TMC6: variants seen among roughly 807,000 people sequenced by gnomAD.
TMC6 encodes the protein transmembrane channel-like protein 6.
A neutral mutation model predicts 95.4 loss-of-function variants in TMC6; 71 were observed. The observed-to-expected ratio is 0.74, with a 90% CI of 0.61 to 0.91. TMC6 has a LOEUF of 0.91. TMC6 is among the 40% of genes least tolerant of loss of function. The probability of loss-of-function intolerance (pLI) is 0.00; values close to 1 mark genes in which losing one functional copy is unlikely to be tolerated. For synonymous variants in TMC6, 514 were observed against 483.1 expected (o/e 1.06, Z -0.84); for missense variants, 1,074 against 1,079.1 (o/e 1.00, Z 0.07).
intron 9 of TMC6, among the ~76,000 whole-genome samples, chr17:78,123,356 T>C (rs1246100706): frequency 6.6e-6 from 1 of 152,080 alleles, no homozygotes; most frequent in Non-Finnish European, 1.5e-5. Context: ...GGTGGATGGA[T>C]GGATGAATAA....
intron 18 of TMC6, among the ~76,000 whole-genome samples, chr17:78,116,370 C>T (rs2074114938): frequency 6.6e-6 from 1 of 150,826 alleles, no homozygotes; most frequent in African/African-American, 2.4e-5. Flanking sequence ...TCAACCTGGG[C>T]TCAAGCAATC....
upstream of TMC6, among the ~76,000 whole-genome samples, chr17:78,129,116 GCCC>G (rs759690776): frequency 5.6e-4 from 65 of 115,632 alleles, no homozygotes; most frequent in African/African-American, 2.1e-3. The surrounding 1 kb of genome is among the most constrained non-coding windows in gnomAD (Gnocchi z 4.3). Context: ...ATTGGGCAGC[GCCC>G]CCCCCCCCGC....
In TMC6 at chr17:78,117,350, G is replaced by T. The variant is rs1422193013; in HGVS notation, c.2199-3C>A. Reference sequence around the variant, plus strand: ...GGATGTTGAGGTAGATCACGGCCCTGCGGGAGAGGGGCTGTCGGGCAGGGC... The same window carrying T: ...GGATGTTGAGGTAGATCACGGCCCTTCGGGAGAGGGGCTGTCGGGCAGGGC... On this transcript the variant is annotated splice_polypyrimidine_tract_variant and splice_region_variant and intron_variant, in intron 17 of 19. Transcript: ENST00000590602. The T allele has an allele frequency of 1.9e-6, 3 of 1,613,172 alleles. No homozygotes were observed. Among genetic ancestry groups the T allele is most frequent in the African/African-American group, 1.3e-5 (1 of 74,918 alleles).
chr17:78,113,734 G>A (rs912280346), intron 18 of TMC6, 110 bp from the exon 19 acceptor site: 24 of 1,112,666 alleles, frequency 2.2e-5, no homozygotes, highest in Middle Eastern at 2.0e-4. Context: ...ATTCAACATC[G>A]CAAGCAGCAA....
At chr17:78,117,700 C>T (rs947171821) in intron 16 of TMC6, 56 bp from the exon 17 acceptor site, 30 of 1,555,590 alleles carry the variant, frequency 1.9e-5, no homozygotes, top group Admixed American at 9.7e-5. Context: ...ACCCGGCTCC[C>T]TCCCAGCCCG....
rs139970011 is a variant in TMC6 at position 78,110,854 on chromosome 17, A to G, written c.*2294T>C. ...CATGCCCCAGGGCACCCAGGGACACACTGAAGCCCAGGCCTCCAGCACGCA... is the reference window on the plus strand; with the variant it reads ...CATGCCCCAGGGCACCCAGGGACACGCTGAAGCCCAGGCCTCCAGCACGCA... On this transcript the variant is annotated 3_prime_UTR_variant, in exon 20 of 20. Coordinates refer to ENST00000590602, the MANE Select transcript of TMC6 (RefSeq NM_001127198.5). 9.6e-3 allele frequency: 1,464 copies of G among 152,378 alleles called. 15 individuals carry two copies. The highest frequency in any genetic ancestry group is 0.038 in the South Asian group (183 of 4,822). The allele number at this position is 152,378 out of a possible 1,614,324, so 9.4% of individuals were successfully genotyped here.
chr17:78,122,763 G>C lies in TMC6; in HGVS notation c.1083-14C>G. On this transcript the variant is annotated splice_polypyrimidine_tract_variant and intron_variant, in intron 9 of 19. Coordinates refer to ENST00000590602, the MANE Select transcript of TMC6 (RefSeq NM_001127198.5). This position sits in a 1 kb window ranked among gnomAD's most constrained non-coding sequence, Gnocchi z 4.9. ...GAGTGAGCCATGCTGGGGAGAAGCA[G>C]ACACAGACATGGCAACCAACAAGCT... 4 of 1,607,398 alleles carry C rather than the reference G, an allele frequency of 2.5e-6. No individual in the cohort carries two copies. The highest frequency in any genetic ancestry group is 3.4e-6 in the Non-Finnish European group (4 of 1,178,090).
In TMC6 at chr17:78,122,822, G is replaced by C; in HGVS notation, c.1083-73C>G. On this transcript the variant is annotated intron_variant, in intron 9 of 19. Coordinates refer to ENST00000590602, the MANE Select transcript of TMC6 (RefSeq NM_001127198.5). This position sits in a 1 kb window ranked among gnomAD's most constrained non-coding sequence, Gnocchi z 4.9. The stretch of plus-strand genomic sequence containing the variant: ...GAGGCCAAGGGGAGAAGGCAGACCG[G>C]ATGCTCTGGGCAGCCAGACCCCACC... 6 of 1,557,460 alleles carry C rather than the reference G, an allele frequency of 3.9e-6. No homozygotes were observed. Among genetic ancestry groups the C allele is most frequent in the Non-Finnish European group, 5.2e-6 (6 of 1,158,128 alleles).
rs187156281 is a variant in TMC6 at position 78,114,921 on chromosome 17, A to G, written c.2278-1297T>C. Among the ~76,000 whole-genome samples the G allele has an allele frequency of 3.0e-3, 456 of 152,236 alleles. 1 individual carries two copies. The highest frequency in any genetic ancestry group is 4.9e-3 in the Non-Finnish European group (331 of 68,000). On this transcript the variant is annotated intron_variant, in intron 18 of 19. Transcript: ENST00000590602. ...TTCCCATCCCAGAGCAACGGTGGGT[A>G]GAGCTGGGATTCTCCCAGCACCACT...
upstream of TMC6, chr17:78,132,222 T>A: frequency 7.2e-7 from 1 of 1,382,456 alleles, no homozygotes; most frequent in Non-Finnish European, 1.0e-6. Flanking sequence ...CAGGTGACTG[T>A]CAGCGGTACC....
At chr17:78,132,362 T>G, upstream of TMC6, 1 of 1,612,804 alleles carries the variant, frequency 6.2e-7, no homozygotes, top group Non-Finnish European at 8.5e-7. Flanking sequence ...ACTGCAGGCC[T>G]CTTCGGCACA....
chr17:78,124,470 C>G (rs552751583), intron 8 of TMC6, 54 bp downstream of exon 8: 1 of 1,597,834 alleles, frequency 6.3e-7, no homozygotes, highest in Admixed American at 1.7e-5. Context: ...GAACACGGTA[C>G]CAGGGTAGCA....
Position 78,124,427 on chromosome 17 carries a change from G to A in TMC6, c.891+97C>T, listed in dbSNP as rs1206728151. The A allele has an allele frequency of 1.9e-6, 3 of 1,572,962 alleles. 1 individual carries two copies. The highest frequency in any genetic ancestry group is 2.3e-5 in the South Asian group (2 of 88,594). On this transcript the variant is annotated intron_variant, in intron 8 of 19. Coordinates refer to ENST00000590602, the MANE Select transcript of TMC6 (RefSeq NM_001127198.5). The stretch of plus-strand genomic sequence containing the variant: ...CACCTGGAGTCACAGCGGGGCAAGG[G>A]TTGGGGGCCCCAGGGGAGCTGGGAC...
At chr17:78,127,934 C>A (rs1217810385) in intron 1 of TMC6, among the ~76,000 whole-genome samples, 1 of 152,158 alleles carries the variant, frequency 6.6e-6, no homozygotes, top group Non-Finnish European at 1.5e-5. Context: ...GAGCTGGGTC[C>A]GAGGCGGCCC....
Position 78,121,208 on chromosome 17 carries a change from T to C in TMC6, c.1384-44A>G. 4 of 1,551,978 alleles carry C rather than the reference T, an allele frequency of 2.6e-6. No homozygotes were observed. The highest frequency in any genetic ancestry group is 2.4e-5 in the East Asian group (1 of 41,228). On this transcript the variant is annotated intron_variant, in intron 11 of 19. Transcript: ENST00000590602. The surrounding 1 kb of genome is among the most constrained non-coding windows in gnomAD (Gnocchi z 5.6). Reference sequence around the variant, plus strand: ...CGGTGTCATGGAAGCCCCCCATCCATGGTGGGAGCGGGCAGCTACAGGGAA... The same window carrying C: ...CGGTGTCATGGAAGCCCCCCATCCACGGTGGGAGCGGGCAGCTACAGGGAA...
upstream of TMC6, chr17:78,132,301 C>G (rs2075025611): frequency 6.3e-7 from 1 of 1,598,506 alleles, no homozygotes; most frequent in Non-Finnish European, 8.5e-7. Flanking sequence ...CTTGGACTCT[C>G]AGCGCGGCCC....
At position 78,126,635 on chromosome 17, in the gene TMC6, G is replaced by A. The variant is rs2074731657; in HGVS notation, c.70C>T (p.Pro24Ser). ...TCGTGCACTTCGCTTTCATCATAGG[G>A]GCTGGGGCCCTGGCTGCAGAGGGGG... The part of the protein sequence containing the change: ...TPGDQGQGPS[P>S]YDESEVHDSF... Residue 24 changes from proline to serine, a missense_variant, in exon 3 of 20, where the codon CCC (proline) becomes TCC (serine). Pro to Ser is a moderately conservative substitution (Grantham distance 74, BLOSUM62 -1). Coordinates refer to ENST00000590602, the MANE Select transcript of TMC6 (RefSeq NM_001127198.5). The A allele has an allele frequency of 1.2e-6, 2 of 1,613,404 alleles. No homozygotes were observed. The highest frequency in any genetic ancestry group is 8.5e-7 in the Non-Finnish European group (1 of 1,179,974).
Position 78,125,904 on chromosome 17 carries a change from G to A in TMC6, c.272-20C>T. On this transcript the variant is annotated intron_variant, in intron 4 of 19. Transcript: ENST00000590602. ...TGCGGCCTATGGAGGCAGCTGGGCA[G>A]GGCCGGGCCGGGCAGGGCCAGGCCT... The A allele has an allele frequency of 6.5e-7, 1 of 1,550,068 alleles. No individual in the cohort carries two copies.
chr17:78,113,246 A>G, intron 19 of TMC6, 35 bp from the exon 20 acceptor site: 4 of 1,544,794 alleles, frequency 2.6e-6, no homozygotes, highest in Middle Eastern at 3.4e-4. Context: ...GGGACCCCAT[A>G]AACATCAACA....
Sources: gnomAD v4.1 joint callset for allele counts (sites outside exome capture counted in the v4.1 genomes callset) on GRCh38, gnomAD v4.1.1 for gene constraint, Gnocchi (gnomAD v3.1) non-coding constraint, MANE v1.5 for transcripts, NCBI Gene and HGNC (gene_info 2026-07-23, HGNC 2026-07-21) for gene names.